The following FLNC variants were observed in gnomAD, a reference collection of about 807,000 sequenced individuals.
FLNC encodes the protein filamin-C.
A neutral mutation model predicts 254.3 loss-of-function variants in FLNC; 91 were observed. That is an observed-to-expected ratio of 0.36 (90% CI 0.30 to 0.43). The LOEUF (loss-of-function observed/expected upper bound fraction) is 0.43, where lower values mean the gene tolerates loss of function less well. Among genes scored for constraint, FLNC ranks in the 20% least tolerant of loss-of-function variants. The pLI is 1.00. For missense variants in FLNC, 2,853 were observed against 3,802.6 expected (o/e 0.75, Z 6.57); for synonymous variants, 1,430 against 1,577.2 (o/e 0.91, Z 2.21).
rs886037829 is a variant in FLNC at position 128,830,955 on chromosome 7, C to G, written c.318C>G (p.Phe106Leu). The G allele has an allele frequency of 3.3e-5, 53 of 1,610,644 alleles. No homozygotes were observed. Among genetic ancestry groups the G allele is most frequent in the African/African-American group, 2.7e-5 (2 of 74,940 alleles). Reference protein sequence around the residue: ...KLENVSVALEFLEREHIKLVS... With the variant: ...KLENVSVALELLEREHIKLVS... ...AGAACGTGTCCGTGGCCCTCGAGTT[C>G]CTCGAGCGCGAGCACATCAAGCTCG... The change falls in exon 1 of 48, where the codon TTC becomes TTG. Residue 106 changes from phenylalanine to leucine, a missense_variant. Phe to Leu is a conservative substitution (Grantham distance 22, BLOSUM62 0). Transcript: ENST00000325888.
In FLNC at chr7:128,854,760, C is replaced by T. The variant is rs758702015; in HGVS notation, c.6998-15C>T. 1 of 1,614,052 alleles carries T rather than the reference C, an allele frequency of 6.2e-7. No homozygotes were observed. Among genetic ancestry groups the T allele is most frequent in the Admixed American group, 1.7e-5 (1 of 60,036 alleles). ...GGGCGATGATGCTGAAGTCCACTAC[C>T]TTGCCTGTCCCCAGCCGAGTTCAGC... On this transcript the variant is annotated splice_polypyrimidine_tract_variant and intron_variant, in intron 41 of 47. Coordinates refer to ENST00000325888, the MANE Select transcript of FLNC (RefSeq NM_001458.5).
intron 37 of FLNC, 129 bp downstream of exon 37, chr7:128,853,160 T>C: frequency 9.9e-7 from 1 of 1,009,198 alleles, no homozygotes; most frequent in Non-Finnish European, 1.5e-6. Flanking sequence ...TGCGTCAGGA[T>C]TCGCATTCTG....
Position 128,854,068 on chromosome 7 carries a change from C to T in FLNC, c.6579C>T (p.Ile2193=), listed in dbSNP as rs1171683248. 1 of 1,613,252 alleles carries T rather than the reference C, an allele frequency of 6.2e-7. No individual in the cohort carries two copies. The highest frequency in any genetic ancestry group is 8.5e-7 in the Non-Finnish European group (1 of 1,180,002). Residue 2193 remains isoleucine (I), a synonymous_variant, in exon 40 of 48, where the codon ATC becomes ATT. Coordinates refer to ENST00000325888, the MANE Select transcript of FLNC (RefSeq NM_001458.5). ...HTYTRTERTE[I]SKTRGGETKR... ...ACACCCGCACGGAGCGCACGGAGAT[C>T]AGCAAGACGCGGGGCGGGGAGACAA...
rs979432656 is a variant in FLNC, at chr7:128,857,525, A to G, written c.7780+189A>G. Among the ~76,000 whole-genome samples, 9 of 150,556 alleles carry G rather than the reference A, an allele frequency of 6.0e-5. No homozygotes were observed. Among genetic ancestry groups the G allele is most frequent in the Non-Finnish European group, 1.0e-4 (7 of 67,974 alleles). ...TCGGGCATGATCACGTAAAAATGCC[A>G]TTCTTCCTCTCCATCGTGGCCCCTC... On this transcript the variant is annotated intron_variant, in intron 46 of 47. Transcript: ENST00000325888. This position sits in a 1 kb window ranked among gnomAD's most constrained non-coding sequence, Gnocchi z 4.5.
chr7:128,833,752 ACTGTGTGAAAGTGTTGGAGC>A (rs1807985431), intron 1 of FLNC, among the ~76,000 whole-genome samples: 2 of 152,208 alleles, frequency 1.3e-5, no homozygotes. Context: ...GGGCATCCAG[ACTGTGTGAAAGTGTTGGAGC>A]CTGTGTGTTT....
intron 42 of FLNC, 42 bp from the exon 43 acceptor site, chr7:128,855,157 A>C (rs746002861): frequency 4.2e-6 from 6 of 1,424,614 alleles, no homozygotes; most frequent in Non-Finnish European, 5.0e-6. Flanking sequence ...CGCCCTGCCA[A>C]CCTCCATCCC....
rs374206358 is a variant in FLNC, at chr7:128,856,673, A to C, written c.7384+23A>C. 1 of 1,613,644 alleles carries C rather than the reference A, an allele frequency of 6.2e-7. No individual in the cohort carries two copies. The highest frequency in any genetic ancestry group is 8.5e-7 in the Non-Finnish European group (1 of 1,179,996). On this transcript the variant is annotated intron_variant, in intron 44 of 47. Transcript: ENST00000325888. The surrounding 1 kb of genome is among the most constrained non-coding windows in gnomAD (Gnocchi z 5.9). ...GTGGTGAGCTGGCCCTGCCCCTGCC[A>C]ACTCCCTTCCGGGCTGGGGCCTTCT... is the stretch of plus-strand genomic sequence containing the variant.
At chr7:128,831,326 A>G (rs1807883278) in intron 1 of FLNC, among the ~76,000 whole-genome samples, 1 of 152,114 alleles carries the variant, frequency 6.6e-6, no homozygotes, top group African/African-American at 2.4e-5. Flanking sequence ...ACCCTAGCCC[A>G]CACTCGGGAG....
chr7:128,854,702 G>A lies in FLNC; in HGVS notation c.6997+20G>A. The stretch of plus-strand genomic sequence containing the variant: ...TGCCAGGTAAGGGGCAGGTGGCCAG[G>A]AGTGGGGATGAAGTCAGGGCAGCCA... On this transcript the variant is annotated intron_variant, in intron 41 of 47. Transcript: ENST00000325888. 6.2e-7 allele frequency: 1 copy of A among 1,612,722 alleles called. No individual in the cohort carries two copies. The highest frequency in any genetic ancestry group is 1.3e-5 in the African/African-American group (1 of 75,052).
In FLNC at chr7:128,851,573, C is replaced by T. The variant is rs377063332; in HGVS notation, c.5787C>T (p.Ile1929=). The T allele has an allele frequency of 1.2e-5, 19 of 1,613,912 alleles. No individual in the cohort carries two copies. Among genetic ancestry groups the T allele is most frequent in the Admixed American group, 1.7e-5 (1 of 60,012 alleles). The stretch of plus-strand genomic sequence containing the variant: ...CTGCGCCTGGAGACTACAGCATCAT[C>T]GTGCGCTTCGATGACAAGCACATCC... ...LPTAPGDYSI[I]VRFDDKHIPG... Residue 1929 remains isoleucine (I), a synonymous_variant, in exon 35 of 48, where the codon ATC becomes ATT. Transcript: ENST00000325888.
chr7:128,846,376 G>T lies in FLNC; in HGVS notation c.4040G>T (p.Gly1347Val). The T allele has an allele frequency of 1.2e-6, 2 of 1,612,652 alleles. No homozygotes were observed. The highest frequency in any genetic ancestry group is 8.5e-7 in the Non-Finnish European group (1 of 1,180,010). Residue 1347 changes from glycine (G) to valine (V), a missense_variant, in exon 23 of 48, where the codon GGC becomes GTC. This residue lies in a region of FLNC where 1,573 missense variants were observed against 1,883.5 expected (regional missense o/e 0.84). Coordinates refer to ENST00000325888, the MANE Select transcript of FLNC (RefSeq NM_001458.5). ...KSPFRVGVTEGCDPTRVRAFG... is the reference protein window; with the variant it reads ...KSPFRVGVTEVCDPTRVRAFG... ...CCCTTCCGAGTGGGCGTGACCGAGG[G>T]CTGTGATCCCACCCGCGTCCGAGCC...
Position 128,842,786 on chromosome 7 carries a change from C to T in FLNC, c.2390-8C>T, listed in dbSNP as rs146063718. The T allele has an allele frequency of 1.9e-6, 3 of 1,613,328 alleles. No individual in the cohort carries two copies. The South Asian group carries it at 3.3e-5, about 18-fold the overall frequency. ...GCCCAACTCACAGCAGTGCCCGCTT[C>T]TCTGCAGGCGACGTGAGCATCGGCA... On this transcript the variant is annotated splice_region_variant and splice_polypyrimidine_tract_variant and intron_variant, in intron 15 of 47. Coordinates refer to ENST00000325888, the MANE Select transcript of FLNC (RefSeq NM_001458.5). The surrounding 1 kb of genome is among the most constrained non-coding windows in gnomAD (Gnocchi z 5.4).
In FLNC at chr7:128,835,224, C is replaced by A. The variant is rs1215385318; in HGVS notation, c.353-102C>A. On this transcript the variant is annotated intron_variant, in intron 1 of 47. Transcript: ENST00000325888. This position sits in a 1 kb window ranked among gnomAD's most constrained non-coding sequence, Gnocchi z 5.3. The stretch of plus-strand genomic sequence containing the variant: ...AGGTAGGCAGAGACTAGAGGCCTGA[C>A]CCCAGAGCTCTGGCCCGAGGAGCTG... 2 of 1,516,230 alleles carry A rather than the reference C, an allele frequency of 1.3e-6. No homozygotes were observed. 93.9% of individuals were successfully genotyped at this position (1,516,230 alleles called of 1,614,324 possible).
In FLNC at chr7:128,848,027, C is replaced by T. The variant is rs759632987; in HGVS notation, c.4539C>T (p.Tyr1513=). Residue 1513 remains tyrosine (Y), a synonymous_variant, in exon 26 of 48, where the codon TAC becomes TAT. Coordinates refer to ENST00000325888, the MANE Select transcript of FLNC (RefSeq NM_001458.5). The part of the protein sequence containing the change: ...VHYTPATDGP[Y]TVAVKYADQE... ...ACACCCCAGCCACTGACGGGCCCTA[C>T]ACGGTAGCCGTCAAGTATGCTGACC... is the stretch of plus-strand genomic sequence containing the variant. The T allele has an allele frequency of 5.6e-6, 9 of 1,607,296 alleles. No homozygotes were observed. Among genetic ancestry groups the T allele is most frequent in the South Asian group, 1.1e-5 (1 of 90,138 alleles).
chr7:128,847,917 C>T, intron 25 of FLNC, 28 bp from the exon 26 acceptor site: 1 of 1,613,786 alleles, frequency 6.2e-7, no homozygotes, highest in East Asian at 2.2e-5. Flanking sequence ...CGCCCGGAGG[C>T]TCTGCTGACC....
rs751078649 is a variant in FLNC, at chr7:128,852,552, T to G, written c.5843-39T>G. The G allele has an allele frequency of 4.3e-6, 7 of 1,611,998 alleles. No homozygotes were observed. The South Asian group carries it at 6.6e-5, about 15-fold the overall frequency. ...GAGCCCTGTGAGGGCAGGGCCTGCC[T>G]GGAGTCATAGCAGCCTGATGCCCCA... On this transcript the variant is annotated intron_variant, in intron 35 of 47. Transcript: ENST00000325888.
At position 128,837,325 on chromosome 7, in the gene FLNC, G is replaced by A; in HGVS notation, c.699+68G>A. ...GAGGTTGGGTCTGTAAGTTTACCTG[G>A]CCAGGGTGCAGGGGGAGACTGGGGC... On this transcript the variant is annotated intron_variant, in intron 3 of 47. Coordinates refer to ENST00000325888, the MANE Select transcript of FLNC (RefSeq NM_001458.5). 9.3e-6 allele frequency: 15 copies of A among 1,611,406 alleles called. No individual in the cohort carries two copies. The South Asian group carries it at 1.6e-4, about 18-fold the overall frequency.
rs1296894407 is a variant in FLNC at position 128,835,606 on chromosome 7, C to T, written c.601+32C>T. The T allele has an allele frequency of 1.9e-6, 3 of 1,608,956 alleles. No homozygotes were observed. The highest frequency in any genetic ancestry group is 2.5e-6 in the Non-Finnish European group (3 of 1,178,120). On this transcript the variant is annotated intron_variant, in intron 2 of 47. Transcript: ENST00000325888. This position sits in a 1 kb window ranked among gnomAD's most constrained non-coding sequence, Gnocchi z 5.3. ...GGGCCAGTGAGCACAGCATGGAGCCCTTAGCTCCCAAAGACAGAGGGGACA... is the reference window on the plus strand; with the variant it reads ...GGGCCAGTGAGCACAGCATGGAGCCTTTAGCTCCCAAAGACAGAGGGGACA...
intron 37 of FLNC, 110 bp from the exon 38 acceptor site, chr7:128,853,359 C>G (rs1350573790): frequency 1.6e-5 from 23 of 1,398,126 alleles, no homozygotes; most frequent in Non-Finnish European, 2.3e-5. Context: ...TTAGTGGTCA[C>G]TACACACATC....
Sources: gnomAD v4.1 joint callset for allele counts (sites outside exome capture counted in the v4.1 genomes callset) on GRCh38, gnomAD v4.1.1 for gene constraint, gnomAD v4.1.1 regional missense constraint, Gnocchi (gnomAD v3.1) non-coding constraint, MANE v1.5 for transcripts, NCBI Gene and HGNC (gene_info 2026-07-23, HGNC 2026-07-21) for gene names.